Variants in SYNE1 observed in about 807,000 individuals in gnomAD.
The protein encoded by SYNE1 is spectrin repeat containing nuclear envelope protein 1.
SYNE1 carries 616 observed loss-of-function variants against 1,111.0 expected under a neutral mutation model. That is an observed-to-expected ratio of 0.55 (90% CI 0.52 to 0.59). SYNE1 has a LOEUF of 0.59. Among genes scored for constraint, SYNE1 ranks in the 20% least tolerant of loss-of-function variants. The pLI is 0.00. For synonymous variants in SYNE1, 3,855 were observed against 3,825.8 expected (o/e 1.01, Z -0.28); for missense variants, 10,006 against 10,417.0 (o/e 0.96, Z 1.72).
At chr6:152,391,775 A>AT (rs1020737889) in intron 51 of SYNE1, among the ~76,000 whole-genome samples, 1 of 152,022 alleles carries the variant, frequency 6.6e-6, no homozygotes, top group Non-Finnish European at 1.5e-5. Context: ...CTATCAGGGG[A>AT]TAACATTCAG....
chr6:152,511,201 T>C (rs2099083128), intron 6 of SYNE1, 98 bp from the exon 7 acceptor site: 4 of 1,055,612 alleles, frequency 3.8e-6, no homozygotes, highest in Admixed American at 1.8e-5. Context: ...CAATAAGATT[T>C]GATCATGCCT....
In SYNE1 at chr6:152,221,503, G is replaced by A. The variant is rs754089899; in HGVS notation, c.21579C>T (p.Ile7193=). The A allele has an allele frequency of 1.2e-6, 2 of 1,613,914 alleles. No individual in the cohort carries two copies. Among genetic ancestry groups the A allele is most frequent in the Non-Finnish European group, 1.7e-6 (2 of 1,179,948 alleles). Residue 7193 remains isoleucine, a synonymous_variant, in exon 118 of 146, where the codon ATC becomes ATT. Coordinates refer to ENST00000367255, the MANE Select transcript of SYNE1 (RefSeq NM_182961.4). ...QERSLQKFGS[I]TNQLLKECHP... ...GACACTCTTTTAATAATTGGTTGGT[G>A]ATAGAGCCAAATTTCTGTAAGCTCC...
chr6:152,485,110 T>C (rs1046161029), intron 12 of SYNE1, 138 bp from the exon 13 acceptor site: 4 of 1,006,478 alleles, frequency 4.0e-6, no homozygotes, highest in Non-Finnish European at 5.9e-6. Context: ...ACGGTAGTTA[T>C]GATACTAATA....
intron 91 of SYNE1, among the ~76,000 whole-genome samples, chr6:152,306,004 A>C (rs2095361103): frequency 6.6e-6 from 1 of 152,178 alleles, no homozygotes; most frequent in South Asian, 2.1e-4. Flanking sequence ...CTGGGACTTC[A>C]TTATTCTCTT....
chr6:152,368,840 G>T, intron 61 of SYNE1, 132 bp downstream of exon 61: 2 of 1,060,958 alleles, frequency 1.9e-6, no homozygotes, highest in Non-Finnish European at 2.9e-6. Flanking sequence ...CAGCACACAC[G>T]CCCCTTACTG....
chr6:152,563,868 T>C (rs370872668), intron 3 of SYNE1, among the ~76,000 whole-genome samples: 1 of 152,222 alleles, frequency 6.6e-6, no homozygotes, highest in East Asian at 1.9e-4. Context: ...TATCTAATAT[T>C]GCAAAACACT....
chr6:152,417,907 A>T (rs1347996744), intron 40 of SYNE1, among the ~76,000 whole-genome samples: 1 of 152,146 alleles, frequency 6.6e-6, no homozygotes, highest in African/African-American at 2.4e-5. Flanking sequence ...TTTTCCATTA[A>T]ATTAGTTCCA....
At chr6:152,345,907 G>T (rs1202333325) in intron 73 of SYNE1, among the ~76,000 whole-genome samples, 2 of 152,070 alleles carry the variant, frequency 1.3e-5, no homozygotes, top group East Asian at 3.9e-4. Flanking sequence ...AGTCATATTT[G>T]TCAGTTACTC....
Position 152,308,636 on chromosome 6 carries a change from T to TG in SYNE1, c.17203-5dup. ...GTTCATATTGTACCACAGCTTCCTT[T>TG]GAAAAAAAAAAAAAACAGAAAGATA... On this transcript the variant is annotated splice_region_variant and splice_polypyrimidine_tract_variant and intron_variant, in intron 90 of 145. Coordinates refer to ENST00000367255, the MANE Select transcript of SYNE1 (RefSeq NM_182961.4). 1 of 1,545,204 alleles carries TG rather than the reference T, an allele frequency of 6.5e-7. No homozygotes were observed. Among genetic ancestry groups the TG allele is most frequent in the African/African-American group, 1.5e-5 (1 of 65,270 alleles).
chr6:152,492,194 G>A (rs9383624), intron 11 of SYNE1, among the ~76,000 whole-genome samples: 23,449 of 152,164 alleles, frequency 0.15, 2,121 homozygotes, highest in East Asian at 0.46. Context: ...CCAGAAGGCC[G>A]TCCTATTCTC....
intron 3 of SYNE1, among the ~76,000 whole-genome samples, chr6:152,608,361 C>G (rs981879719): frequency 2.6e-5 from 4 of 152,056 alleles, no homozygotes; most frequent in African/African-American, 9.7e-5. Context: ...ATAGCTCTAA[C>G]TATTTATAAT....
intron 3 of SYNE1, among the ~76,000 whole-genome samples, chr6:152,605,842 T>G (rs970089121): frequency 3.3e-5 from 5 of 152,194 alleles, no homozygotes; most frequent in Admixed American, 6.5e-5. Context: ...TTCTTTTTCT[T>G]GGATGTGTAT....
In SYNE1 at chr6:152,122,627, G is replaced by C; in HGVS notation, c.26203C>G (p.Arg8735Gly). 3.1e-6 allele frequency: 5 copies of C among 1,614,116 alleles called. No individual in the cohort carries two copies. The highest frequency in any genetic ancestry group is 1.7e-4 in the Middle Eastern group (1 of 6,056). Residue 8735 changes from arginine to glycine, a missense_variant, in exon 146 of 146, where the codon CGG becomes GGG. By Grantham distance (125) the Arg-to-Gly change is moderately radical. Transcript: ENST00000367255. Reference protein sequence around the residue: ...DSSLSEPGPGRSGRGFLFRVL... With the variant: ...DSSLSEPGPGGSGRGFLFRVL... ...CTGAACAGGAAGCCGCGGCCGGACCGACCTGGCCCTGGCTCAGAAAGGGAG... is the reference window on the plus strand; with the variant it reads ...CTGAACAGGAAGCCGCGGCCGGACCCACCTGGCCCTGGCTCAGAAAGGGAG...
At chr6:152,487,499 G>C (rs2098947231) in intron 12 of SYNE1, among the ~76,000 whole-genome samples, 1 of 152,140 alleles carries the variant, frequency 6.6e-6, no homozygotes, top group Non-Finnish European at 1.5e-5. Context: ...ATCACACTTT[G>C]TAAATGGGAA....
At chr6:152,593,213 T>TC (rs2099571852) in intron 3 of SYNE1, among the ~76,000 whole-genome samples, 1 of 152,202 alleles carries the variant, frequency 6.6e-6, no homozygotes, top group Non-Finnish European at 1.5e-5. Context: ...GTTTGCAGTT[T>TC]CCAAGAATCT....
intron 3 of SYNE1, among the ~76,000 whole-genome samples, chr6:152,627,966 T>C (rs1382176958): frequency 1.3e-5 from 2 of 148,456 alleles, no homozygotes; most frequent in Non-Finnish European, 3.0e-5. Flanking sequence ...ACAGCAGCAG[T>C]ACATTTGACA....
intron 95 of SYNE1, among the ~76,000 whole-genome samples, chr6:152,286,285 C>G (rs2094323669): frequency 6.6e-6 from 1 of 152,176 alleles, no homozygotes; most frequent in Admixed American, 6.5e-5. Context: ...TTGACCTCCT[C>G]CTTCTTGCTA....
chr6:152,471,925 G>C, intron 15 of SYNE1, 160 bp from the exon 16 acceptor site: 1 of 733,300 alleles, frequency 1.4e-6, no homozygotes, highest in Non-Finnish European at 2.2e-6. Flanking sequence ...TCTAGCTCTG[G>C]ATTTAAAAGC....
In SYNE1 at chr6:152,369,098, C is replaced by T. The variant is rs1247268148; in HGVS notation, c.9681G>A (p.Glu3227=). The T allele has an allele frequency of 1.2e-6, 2 of 1,613,842 alleles. No individual in the cohort carries two copies. The highest frequency in any genetic ancestry group is 1.7e-5 in the Admixed American group (1 of 60,004). The change falls in exon 61 of 146, where the codon GAG becomes GAA. Residue 3227 remains glutamate (E), a synonymous_variant. Coordinates refer to ENST00000367255, the MANE Select transcript of SYNE1 (RefSeq NM_182961.4). The stretch of plus-strand genomic sequence containing the variant: ...TCTCTTTCAGCCTGTTGAGCTGAGG[C>T]TCGTAGCAGTGTATTTCCTCAAGGA... ...QSVLEEIHCY[E]PQLNRLKEKA... is the part of the protein sequence containing the mutation.
Sources: gnomAD v4.1 joint callset for allele counts (sites outside exome capture counted in the v4.1 genomes callset) on GRCh38, gnomAD v4.1.1 for gene constraint, MANE v1.5 for transcripts, NCBI Gene and HGNC (gene_info 2026-07-23, HGNC 2026-07-21) for gene names.